BCKDHB: variants seen among roughly 807,000 people sequenced by gnomAD.
BCKDHB encodes the protein branched chain keto acid dehydrogenase E1 subunit beta.
In BCKDHB, 41 loss-of-function variants were observed where a neutral mutation model predicts 48.5. The ratio of observed to expected loss-of-function variants is 0.85; its 90% CI spans 0.66 to 1.10. The LOEUF (loss-of-function observed/expected upper bound fraction) is 1.10, where lower values mean the gene tolerates loss of function less well. Among genes scored for constraint, BCKDHB ranks in the 50% least tolerant of loss-of-function variants. BCKDHB has a pLI of 0.00. For synonymous variants in BCKDHB, 201 were observed against 174.8 expected, an observed-to-expected ratio of 1.15 and a Z score of -1.18; for missense variants, 496 against 494.2, an observed-to-expected ratio of 1.00 and a Z score of -0.03.
chr6:80,116,320 A>G (rs981014565), intron 1 of BCKDHB, among the ~76,000 whole-genome samples: 16 of 151,834 alleles, frequency 1.1e-4, no homozygotes, highest in Admixed American at 8.5e-4. Context: ...TTTCTTAGAC[A>G]TTTCTTTCTC....
At chr6:80,167,245 T>C (rs1053770611) in intron 3 of BCKDHB, among the ~76,000 whole-genome samples, 1 of 152,134 alleles carries the variant, frequency 6.6e-6, no homozygotes, top group Non-Finnish European at 1.5e-5. Context: ...TTCCTTCTTT[T>C]TTCTTTTTTT....
At chr6:80,154,712 G>A (rs1771955506) in intron 3 of BCKDHB, among the ~76,000 whole-genome samples, 1 of 152,032 alleles carries the variant, frequency 6.6e-6, no homozygotes, top group African/African-American at 2.4e-5. Context: ...TTAAAAATTT[G>A]TGCCCAACTT....
chr6:80,270,885 G>GT (rs1239771766), intron 8 of BCKDHB, among the ~76,000 whole-genome samples: 1 of 151,946 alleles, frequency 6.6e-6, no homozygotes, highest in East Asian at 1.9e-4. Context: ...ACATTATTAT[G>GT]TTTTTTGAGA....
Position 80,152,219 on chromosome 6 carries a change from A to G in BCKDHB, c.344-15459A>G, listed in dbSNP as rs148306240. 1.7e-3 allele frequency among the ~76,000 whole-genome samples: 264 copies of G among 152,148 alleles called. 1 individual carries two copies. The highest frequency in any genetic ancestry group is 6.0e-3 in the African/African-American group (250 of 41,504). ...TATGTGTACATTAATTTGAAAAACTACATTTTTATTGTGTATTCCTCCAAA... is the reference window on the plus strand; with the variant it reads ...TATGTGTACATTAATTTGAAAAACTGCATTTTTATTGTGTATTCCTCCAAA... On this transcript the variant is annotated intron_variant, in intron 3 of 9. Coordinates refer to ENST00000320393, the MANE Select transcript of BCKDHB (RefSeq NM_183050.4).
chr6:80,293,961 T>C (rs1466506042), intron 9 of BCKDHB, among the ~76,000 whole-genome samples: 1 of 152,204 alleles, frequency 6.6e-6, no homozygotes, highest in Non-Finnish European at 1.5e-5. Flanking sequence ...GACCTTATTG[T>C]CCATATCACT....
At chr6:80,321,587 C>CA (rs1453220815) in intron 9 of BCKDHB, among the ~76,000 whole-genome samples, 3 of 152,110 alleles carry the variant, frequency 2.0e-5, no homozygotes. Context: ...TATTTTTTAT[C>CA]AACATGCCCA....
intron 9 of BCKDHB, chr6:80,307,628 A>G (rs1307540978): frequency 1.0e-6 from 1 of 978,584 alleles, no homozygotes; most frequent in East Asian, 1.1e-4. Flanking sequence ...AACATAAAGT[A>G]TATCTAGCCA....
intron 9 of BCKDHB, among the ~76,000 whole-genome samples, chr6:80,308,184 T>C (rs1767972686): frequency 6.6e-6 from 1 of 152,152 alleles, no homozygotes; most frequent in African/African-American, 2.4e-5. Context: ...TGTTTATTTG[T>C]ATTATTTTTA....
chr6:80,225,225 G>A (rs1014296002), intron 8 of BCKDHB, among the ~76,000 whole-genome samples: 3 of 152,106 alleles, frequency 2.0e-5, no homozygotes, highest in African/African-American at 7.2e-5. Context: ...ACTTAAAATG[G>A]CATTAAAATG....
intron 8 of BCKDHB, among the ~76,000 whole-genome samples, chr6:80,269,773 T>C (rs1329461893): frequency 6.6e-6 from 1 of 152,124 alleles, no homozygotes; most frequent in African/African-American, 2.4e-5. Context: ...GAAGAAAATA[T>C]TTTTTAAATG....
chr6:80,333,115 C>T (rs758578554), intron 9 of BCKDHB, among the ~76,000 whole-genome samples: 15 of 152,226 alleles, frequency 9.9e-5, no homozygotes, highest in East Asian at 1.9e-4. Context: ...GTCTCTTTTT[C>T]ATAGGTACAA....
At chr6:80,122,990 A>C (rs1467949182) in intron 1 of BCKDHB, among the ~76,000 whole-genome samples, 1 of 117,466 alleles carries the variant, frequency 8.5e-6, no homozygotes. Flanking sequence ...CCCCCCAGGA[A>C]TGCATTCCTT....
intron 9 of BCKDHB, among the ~76,000 whole-genome samples, chr6:80,286,727 G>T (rs940880461): frequency 2.6e-5 from 4 of 152,114 alleles, no homozygotes; most frequent in African/African-American, 9.7e-5. Context: ...CAGCAGTACA[G>T]CATTTTTAAA....
At position 80,212,117 on chromosome 6, in the gene BCKDHB, A is replaced by G. The variant is rs545708776; in HGVS notation, c.951+8905A>G. Among the ~76,000 whole-genome samples, 476 of 152,274 alleles carry G rather than the reference A, an allele frequency of 3.1e-3. 2 individuals carry two copies. Among genetic ancestry groups the G allele is most frequent in the African/African-American group, 0.011 (461 of 41,568 alleles). On this transcript the variant is annotated intron_variant, in intron 8 of 9. Coordinates refer to ENST00000320393, the MANE Select transcript of BCKDHB (RefSeq NM_183050.4). ...CTACTGATAAGGGTCTATGTTCAGC[A>G]GTGCACCTGTTGTCTTGATAAGCAT... is the stretch of plus-strand genomic sequence containing the variant.
chr6:80,398,750 A>T, the BCKDHB span, among the ~76,000 whole-genome samples: 1 of 152,070 alleles, frequency 6.6e-6, no homozygotes, highest in East Asian at 1.9e-4. Flanking sequence ...ATGAGGCCAG[A>T]ATTATCTTGA....
chr6:80,411,754 C>T, the BCKDHB span, among the ~76,000 whole-genome samples: 1 of 152,238 alleles, frequency 6.6e-6, no homozygotes, highest in Non-Finnish European at 1.5e-5. Flanking sequence ...GCTCTGTGGG[C>T]GTGTGACCCA....
chr6:80,257,508 ATAT>A (rs1259346911), intron 8 of BCKDHB, among the ~76,000 whole-genome samples: 1 of 151,568 alleles, frequency 6.6e-6, no homozygotes, highest in Non-Finnish European at 1.5e-5. Flanking sequence ...GGGATAATAC[ATAT>A]TATGTGTTAG....
At chr6:80,430,961 C>T in the BCKDHB span, among the ~76,000 whole-genome samples, 4 of 152,246 alleles carry the variant, frequency 2.6e-5, no homozygotes, top group South Asian at 8.3e-4. Context: ...GTTTCTAGTG[C>T]TATAAATTTC....
the BCKDHB span, among the ~76,000 whole-genome samples, chr6:80,405,128 G>C: frequency 6.6e-6 from 1 of 152,074 alleles, no homozygotes; most frequent in South Asian, 2.1e-4. Flanking sequence ...ATTGTTGAAA[G>C]TGGGGTATTT....
Sources: gnomAD v4.1 joint callset for allele counts (sites outside exome capture counted in the v4.1 genomes callset) on GRCh38, gnomAD v4.1.1 for gene constraint, MANE v1.5 for transcripts, NCBI Gene and HGNC (gene_info 2026-07-23, HGNC 2026-07-21) for gene names.